Variants in MED15 observed in about 807,000 individuals in gnomAD.
MED15 encodes the protein mediator complex subunit 15.
MED15 carries 41 observed loss-of-function variants against 118.7 expected under a neutral mutation model. The ratio of observed to expected loss-of-function variants is 0.35; its 90% CI spans 0.27 to 0.45. The LOEUF is 0.45. Ranked by LOEUF, MED15 falls within the 20% of genes least tolerant of loss-of-function variation. The pLI is 1.00. For missense variants in MED15, 740 were observed against 1,025.5 expected (o/e 0.72, Z 3.80); for synonymous variants, 436 against 413.9 (o/e 1.05, Z -0.65).
intron 1 of MED15, among the ~76,000 whole-genome samples, chr22:20,510,371 C>T (rs927058653): frequency 2.0e-5 from 3 of 152,128 alleles, no homozygotes; most frequent in African/African-American, 4.8e-5. Flanking sequence ...AGTGACAGAG[C>T]GAGACTCCAT....
intron 9 of MED15, among the ~76,000 whole-genome samples, chr22:20,581,526 A>G (rs146990011): frequency 4.3e-4 from 65 of 152,246 alleles, no homozygotes; most frequent in Non-Finnish European, 4.1e-4. Flanking sequence ...TCCTAGGCAG[A>G]CTGTGAGGGG....
chr22:20,584,021 G>A (rs1186977188), intron 13 of MED15: 1 of 355,700 alleles, frequency 2.8e-6, no homozygotes, highest in Non-Finnish European at 5.3e-6. Flanking sequence ...ACTATTGGGT[G>A]GTCCTCCAGG....
intron 1 of MED15, chr22:20,508,380 G>A: frequency 7.7e-7 from 1 of 1,304,228 alleles, no homozygotes; most frequent in Non-Finnish European, 1.0e-6. Flanking sequence ...ACCACCGACT[G>A]CTTGTTTCTG....
chr22:20,555,352 C>A (rs1013934506), intron 5 of MED15, among the ~76,000 whole-genome samples: 1 of 152,094 alleles, frequency 6.6e-6, no homozygotes, highest in Non-Finnish European at 1.5e-5. Context: ...TGATGCTGGG[C>A]CCTCCTCCTC....
intron 5 of MED15, among the ~76,000 whole-genome samples, chr22:20,564,157 G>A (rs746674342): frequency 1.3e-5 from 2 of 152,210 alleles, no homozygotes; most frequent in Non-Finnish European, 2.9e-5. Context: ...TAGAGACAGA[G>A]AGGAGATTAC....
chr22:20,524,053 T>G (rs1036661021), intron 1 of MED15, among the ~76,000 whole-genome samples: 12 of 152,208 alleles, frequency 7.9e-5, no homozygotes, highest in African/African-American at 2.9e-4. Context: ...AAGTATATAT[T>G]TTTATCTTGT....
At chr22:20,575,350 G>C in intron 9 of MED15, 118 bp downstream of exon 9, 1 of 1,305,252 alleles carries the variant, frequency 7.7e-7, no homozygotes. Context: ...GGCTTTCAGA[G>C]TGCCAAACCC....
intron 13 of MED15, chr22:20,583,985 C>G: frequency 3.5e-6 from 1 of 287,016 alleles, no homozygotes; most frequent in Non-Finnish European, 6.7e-6. Context: ...TCTCTCTGTT[C>G]TGCTTGTCTG....
chr22:20,576,431 G>A (rs1035359997), intron 9 of MED15, among the ~76,000 whole-genome samples: 1 of 152,216 alleles, frequency 6.6e-6, no homozygotes, highest in South Asian at 2.1e-4. Context: ...GGTCCATGTG[G>A]CCCCAAGCCT....
intron 1 of MED15, among the ~76,000 whole-genome samples, chr22:20,522,465 G>A (rs1469679079): frequency 6.6e-6 from 1 of 152,178 alleles, no homozygotes; most frequent in African/African-American, 2.4e-5. Context: ...AAAGAAAAAA[G>A]GAATGGAAAG....
rs1395856038 is a variant in MED15, at chr22:20,537,357, A to C, written c.156+153A>C. ...AGGCACAGTTGGTTTTGCCTGCAGC[A>C]GTCTGGGTCCTCCTGTGTGTCCATG... On this transcript the variant is annotated intron_variant, in intron 2 of 17. Coordinates refer to ENST00000263205, the MANE Select transcript of MED15 (RefSeq NM_001003891.3). The C allele has an allele frequency of 1.2e-5, 7 of 602,368 alleles. No individual in the cohort carries two copies. The Admixed American group carries it at 2.1e-4, about 18-fold the overall frequency. 37.3% of individuals were successfully genotyped at this position (602,368 alleles called of 1,614,324 possible).
chr22:20,548,752 T>C (rs1019812244), intron 2 of MED15, among the ~76,000 whole-genome samples: 1 of 152,214 alleles, frequency 6.6e-6, no homozygotes, highest in African/African-American at 2.4e-5. Context: ...CTCCACAATA[T>C]GTTGTGAGGC....
chr22:20,584,344 C>T lies in MED15; in HGVS notation c.1737-15C>T, dbSNP rs372027612. On this transcript the variant is annotated splice_polypyrimidine_tract_variant and intron_variant, in intron 13 of 17. Coordinates refer to ENST00000263205, the MANE Select transcript of MED15 (RefSeq NM_001003891.3). The stretch of plus-strand genomic sequence containing the variant: ...TGTCTTCCACTCTTTCAGCCCAAGT[C>T]CTCTCTCTCTGCAGGTGTCCCCTGA... 5.0e-6 allele frequency: 8 copies of T among 1,612,956 alleles called. No individual in the cohort carries two copies. In the South Asian group the frequency reaches 5.5e-5, roughly 11 times the overall value.
In MED15 at chr22:20,573,311, C is replaced by T. The variant is rs564748255; in HGVS notation, c.1153-1802C>T. ...CAGTCCCTATACCTTTGTCATTTAA[C>T]GTTCTATTCTTTTAGTATGTGAAAA... On this transcript the variant is annotated intron_variant, in intron 8 of 17. Coordinates refer to ENST00000263205, the MANE Select transcript of MED15 (RefSeq NM_001003891.3). Among the ~76,000 whole-genome samples the T allele has an allele frequency of 2.0e-5, 3 of 152,308 alleles. No homozygotes were observed. The East Asian group carries it at 5.8e-4, about 29-fold the overall frequency.
Position 20,507,622 on chromosome 22 carries a change from G to C in MED15, c.-57G>C. 3.1e-6 allele frequency: 5 copies of C among 1,608,472 alleles called. No individual in the cohort carries two copies. Among genetic ancestry groups the C allele is most frequent in the Non-Finnish European group, 4.3e-6 (5 of 1,175,160 alleles). ...CGGGTTTGGGCCTGGCTCTGTGACT[G>C]AGGCGGCGGCGGTGGCGGCCAAGCG... On this transcript the variant is annotated 5_prime_UTR_variant, in exon 1 of 18. Transcript: ENST00000263205.
At chr22:20,576,151 A>G (rs997752563) in intron 9 of MED15, among the ~76,000 whole-genome samples, 1 of 152,244 alleles carries the variant, frequency 6.6e-6, no homozygotes, top group African/African-American at 2.4e-5. Flanking sequence ...CTATGCTAAG[A>G]TTCTGAGAAT....
chr22:20,541,640 C>T (rs113878252), intron 2 of MED15, among the ~76,000 whole-genome samples: 12,243 of 139,004 alleles, frequency 0.088, 744 homozygotes, highest in Non-Finnish European at 0.13. Context: ...CACACCATCA[C>T]ACCCAGCTAA....
At chr22:20,579,888 CT>C (rs2056928211) in intron 9 of MED15, among the ~76,000 whole-genome samples, 1 of 152,142 alleles carries the variant, frequency 6.6e-6, no homozygotes, top group Non-Finnish European at 1.5e-5. Flanking sequence ...GTGTGACATT[CT>C]TGTCCTGGGG....
intron 1 of MED15, among the ~76,000 whole-genome samples, chr22:20,519,660 G>A (rs1156759013): frequency 6.6e-6 from 1 of 152,076 alleles, no homozygotes; most frequent in Non-Finnish European, 1.5e-5. Flanking sequence ...TCACCATATT[G>A]GCCAAGCTGG....
Sources: gnomAD v4.1 joint callset for allele counts (sites outside exome capture counted in the v4.1 genomes callset) on GRCh38, gnomAD v4.1.1 for gene constraint, MANE v1.5 for transcripts, NCBI Gene and HGNC (gene_info 2026-07-23, HGNC 2026-07-21) for gene names.